PEF1: variants seen among roughly 807,000 people sequenced by gnomAD.
PEF1 encodes penta-EF-hand domain containing 1, also known as peflin.
A neutral mutation model predicts 32.0 loss-of-function variants in PEF1; 17 were observed. That is an observed-to-expected ratio of 0.53 (90% confidence interval 0.36 to 0.80). The LOEUF (loss-of-function observed/expected upper bound fraction) is 0.80, where lower values mean the gene tolerates loss of function less well. Ranked by LOEUF, PEF1 falls within the 30% of genes least tolerant of loss-of-function variation. PEF1 has a pLI of 0.00. For missense variants in PEF1, 362 were observed against 369.1 expected (o/e 0.98, Z 0.16); for synonymous variants, 130 against 139.8 (o/e 0.93, Z 0.50).
intron 1 of PEF1, among the ~76,000 whole-genome samples, chr1:31,642,645 A>G (rs1028999874): frequency 5.3e-5 from 8 of 152,166 alleles, no homozygotes; most frequent in Non-Finnish European, 1.0e-4. Context: ...AAAAAAAACA[A>G]CATTTCTTTT....
intron 1 of PEF1, among the ~76,000 whole-genome samples, chr1:31,643,774 T>A (rs922771892): frequency 1.3e-5 from 2 of 152,254 alleles, no homozygotes; most frequent in Non-Finnish European, 2.9e-5. Flanking sequence ...GATCTTGTTT[T>A]CCCACATTTC....
chr1:31,637,305 T>C (rs1336780109), intron 1 of PEF1, among the ~76,000 whole-genome samples: 3 of 152,204 alleles, frequency 2.0e-5, no homozygotes, highest in Non-Finnish European at 4.4e-5. Context: ...TTCATGACTG[T>C]GGGCCCGTGG....
intron 3 of PEF1, 144 bp from the exon 4 acceptor site, chr1:31,632,782 A>C: frequency 2.1e-6 from 2 of 943,590 alleles, no homozygotes; most frequent in Non-Finnish European, 3.1e-6. Context: ...AGATGCCTGC[A>C]CCTGAGACAC....
rs749103112 is a variant in PEF1 at position 31,635,271 on chromosome 1, C to G, written c.276G>C (p.Gln92His). ...GGAAPGGPYG[Q>H]PPPSSYGAQQ... Reference sequence around the variant, plus strand: ...GGGCACCGTAGGAACTTGGAGGTGGCTGACCATAGGGGCCCCCGGGAGCTG... The same window carrying G: ...GGGCACCGTAGGAACTTGGAGGTGGGTGACCATAGGGGCCCCCGGGAGCTG... Residue 92 changes from glutamine (Q) to histidine (H), a missense_variant, in exon 2 of 5, where the codon CAG becomes CAC. Gln to His is a conservative substitution (Grantham distance 24). Coordinates refer to ENST00000373703, the MANE Select transcript of PEF1 (RefSeq NM_012392.4). 3 of 1,614,140 alleles carry G rather than the reference C, an allele frequency of 1.9e-6. No individual in the cohort carries two copies. Among genetic ancestry groups the G allele is most frequent in the Non-Finnish European group, 2.5e-6 (3 of 1,180,006 alleles).
chr1:31,641,360 G>C (rs1286596750), intron 1 of PEF1, among the ~76,000 whole-genome samples: 1 of 152,096 alleles, frequency 6.6e-6, no homozygotes, highest in African/African-American at 2.4e-5. Flanking sequence ...TGTCTCTCCT[G>C]CTTCAATCCA....
At chr1:31,632,421 T>G (rs1277201087) in intron 4 of PEF1, 74 bp downstream of exon 4, 1 of 1,606,404 alleles carries the variant, frequency 6.2e-7, no homozygotes, top group East Asian at 2.2e-5. Flanking sequence ...AGGAAACCCC[T>G]TTGTTGTATC....
chr1:31,640,469 T>C (rs1012905326), intron 1 of PEF1, among the ~76,000 whole-genome samples: 2 of 152,146 alleles, frequency 1.3e-5, no homozygotes, highest in African/African-American at 4.8e-5. Context: ...TTGTCAAATA[T>C]AATGAATTTC....
chr1:31,631,480 C>G (rs1557583694), intron 4 of PEF1, among the ~76,000 whole-genome samples: 1 of 152,176 alleles, frequency 6.6e-6, no homozygotes, highest in Non-Finnish European at 1.5e-5. Flanking sequence ...CTTCCTTCCT[C>G]TGTTCAGAAC....
At chr1:31,636,161 G>A (rs1402429355) in intron 1 of PEF1, among the ~76,000 whole-genome samples, 7 of 152,196 alleles carry the variant, frequency 4.6e-5, no homozygotes, top group Admixed American at 6.5e-5. Flanking sequence ...ACAGCTAGGC[G>A]TGGTGGCTCA....
At chr1:31,641,064 CCA>C (rs1408132577) in intron 1 of PEF1, among the ~76,000 whole-genome samples, 3 of 152,164 alleles carry the variant, frequency 2.0e-5, no homozygotes, top group Admixed American at 6.5e-5. Flanking sequence ...AGAACCATCC[CCA>C]GACTTCAATT....
intron 2 of PEF1, 137 bp from the exon 3 acceptor site, chr1:31,633,451 T>C: frequency 1.1e-6 from 1 of 943,486 alleles, no homozygotes; most frequent in South Asian, 1.8e-5. Context: ...CTGACATTCT[T>C]ACTCTGATGG....
intron 1 of PEF1, among the ~76,000 whole-genome samples, chr1:31,641,326 G>A (rs574031426): frequency 2.0e-5 from 3 of 152,182 alleles, no homozygotes; most frequent in Non-Finnish European, 2.9e-5. Context: ...CCTCAATAGC[G>A]TCAAAACCGG....
chr1:31,637,156 A>G (rs1640272944), intron 1 of PEF1, among the ~76,000 whole-genome samples: 1 of 116,484 alleles, frequency 8.6e-6, no homozygotes. Flanking sequence ...GGAGGGCAGG[A>G]AGCAGGCCCT....
At chr1:31,631,530 T>C (rs1456592561) in intron 4 of PEF1, among the ~76,000 whole-genome samples, 2 of 152,306 alleles carry the variant, frequency 1.3e-5, no homozygotes, top group South Asian at 4.1e-4. Context: ...CCATTTGTTA[T>C]GCGGGCCCTT....
At position 31,632,630 on chromosome 1, in the gene PEF1, C is replaced by T. The variant is rs1640141673; in HGVS notation, c.490G>A (p.Asp164Asn). The change falls in exon 4 of 5, where the codon GAC becomes AAC. Residue 164 changes from aspartate (D) to asparagine (N), a missense_variant. Physicochemically the swap from Asp to Asn is conservative, Grantham distance 23. Transcript: ENST00000373703. Reference sequence around the variant, plus strand: ...TCGATGCGGCCTGACTTGGTCTTGTCAAACATGTCTGAAGGTGAGGAGGGA... The same window carrying T: ...TCGATGCGGCCTGACTTGGTCTTGTTAAACATGTCTGAAGGTGAGGAGGGA... ...ETCLMMINMF[D>N]KTKSGRIDVY... 1 of 1,613,746 alleles carries T rather than the reference C, an allele frequency of 6.2e-7. No individual in the cohort carries two copies. Among genetic ancestry groups the T allele is most frequent in the African/African-American group, 1.3e-5 (1 of 74,926 alleles).
At position 31,633,323 on chromosome 1, in the gene PEF1, A is replaced by T; in HGVS notation, c.326-9T>A. The T allele has an allele frequency of 6.2e-7, 1 of 1,604,228 alleles. No homozygotes were observed. Among genetic ancestry groups the T allele is most frequent in the South Asian group, 1.1e-5 (1 of 90,240 alleles). ...ATTGGGAGGGGCGCCACCTGGAGGA[A>T]GGGGTGTGAAGGCCATCAACAGAAA... is the stretch of plus-strand genomic sequence containing the variant. On this transcript the variant is annotated splice_polypyrimidine_tract_variant and intron_variant, in intron 2 of 4. Coordinates refer to ENST00000373703, the MANE Select transcript of PEF1 (RefSeq NM_012392.4).
At chr1:31,642,747 G>A (rs1232367287) in intron 1 of PEF1, among the ~76,000 whole-genome samples, 1 of 152,216 alleles carries the variant, frequency 6.6e-6, no homozygotes, top group Non-Finnish European at 1.5e-5. Flanking sequence ...AGTCACGGCA[G>A]CAAGAGCTGC....
Position 31,630,660 on chromosome 1 carries a change from G to C in PEF1, c.808C>G (p.Leu270Val). 1 of 1,613,194 alleles carries C rather than the reference G, an allele frequency of 6.2e-7. No individual in the cohort carries two copies. Among genetic ancestry groups the C allele is most frequent in the Non-Finnish European group, 8.5e-7 (1 of 1,180,048 alleles). ...ATGGTGACGAAGTCCTCGAAGCTGA[G>C]CCGAATGTTGCCTTGTACAGCTGTG... is the stretch of plus-strand genomic sequence containing the variant. ...KDTAVQGNIR[L>V]SFEDFVTMTA... Residue 270 changes from leucine to valine, a missense_variant, in exon 5 of 5, where the codon CTC becomes GTC. Physicochemically the swap from Leu to Val is conservative, Grantham distance 32 (BLOSUM62 1). Coordinates refer to ENST00000373703, the MANE Select transcript of PEF1 (RefSeq NM_012392.4).
intron 2 of PEF1, 107 bp from the exon 3 acceptor site, chr1:31,633,421 C>G (rs2148618042): frequency 8.4e-7 from 1 of 1,187,732 alleles, no homozygotes; most frequent in South Asian, 1.6e-5. Context: ...ACAAATTCAC[C>G]TTCCCTGTCT....
Sources: gnomAD v4.1 joint callset for allele counts (sites outside exome capture counted in the v4.1 genomes callset) on GRCh38, gnomAD v4.1.1 for gene constraint, MANE v1.5 for transcripts, NCBI Gene and HGNC (gene_info 2026-07-23, HGNC 2026-07-21) for gene names.